EIF4G3: variants seen among roughly 807,000 people sequenced by gnomAD.
EIF4G3 encodes eukaryotic translation initiation factor 4 gamma 3, also known as eIF-4-gamma 3.
Under a neutral mutation model 186.4 loss-of-function variants are expected in EIF4G3, and 34 were observed. The observed-to-expected ratio is 0.18, with a 90% confidence interval of 0.14 to 0.24. The LOEUF (loss-of-function observed/expected upper bound fraction) is 0.24, where lower values mean the gene tolerates loss of function less well. Ranked by LOEUF, EIF4G3 falls within the 10% of genes least tolerant of loss-of-function variation. EIF4G3 has a pLI of 1.00. For missense variants in EIF4G3, 1,536 were observed against 1,948.5 expected (o/e 0.79, Z 3.99); for synonymous variants, 673 against 679.5 (o/e 0.99, Z 0.15).
chr1:20,960,342 T>C (rs1280939690), intron 12 of EIF4G3, among the ~76,000 whole-genome samples: 1 of 152,060 alleles, frequency 6.6e-6, no homozygotes, highest in African/African-American at 2.4e-5. Flanking sequence ...GGCAGGCACC[T>C]GTAATCCCAG....
In EIF4G3 at chr1:20,977,218, G is replaced by A. The variant is rs541143241; in HGVS notation, c.493+3116C>T. 1.6e-3 allele frequency among the ~76,000 whole-genome samples: 248 copies of A among 150,646 alleles called. 2 individuals are homozygous for A. Among genetic ancestry groups the A allele is most frequent in the Non-Finnish European group, 1.7e-3 (115 of 67,756 alleles). ...TTTTTTTTTTTTTAGATGGAGTCTC[G>A]CTCTGTCACCCAGGTTGGAGTGCAG... On this transcript the variant is annotated intron_variant, in intron 10 of 36. Coordinates refer to ENST00000602326, the MANE Select transcript of EIF4G3 (RefSeq NM_001391906.1).
At chr1:20,886,848 T>C (rs2084333812) in intron 18 of EIF4G3, among the ~76,000 whole-genome samples, 1 of 152,104 alleles carries the variant, frequency 6.6e-6, no homozygotes, top group African/African-American at 2.4e-5. Context: ...GGGTCAGAAA[T>C]ACTAAAATAA....
In EIF4G3 at chr1:21,154,112, T is replaced by C. The variant is rs551544457; in HGVS notation, c.-272+22063A>G. 1.1e-4 allele frequency among the ~76,000 whole-genome samples: 16 copies of C among 152,350 alleles called. No individual in the cohort carries two copies. In the South Asian group the frequency reaches 3.3e-3, roughly 32 times the overall value. ...TGCTTATCCACCAAAATCAGGGTTA[T>C]TAGTTTAATGGAATTTGCTCATTTC... is the stretch of plus-strand genomic sequence containing the variant. On this transcript the variant is annotated intron_variant, in intron 2 of 36. Transcript: ENST00000602326.
At chr1:20,814,093 C>T (rs968503366) in intron 34 of EIF4G3, among the ~76,000 whole-genome samples, 1 of 150,992 alleles carries the variant, frequency 6.6e-6, no homozygotes, top group African/African-American at 2.4e-5. Context: ...ACTACAGGAT[C>T]CCTGCCTCAG....
At chr1:21,058,983 T>C (rs2094733756) in intron 3 of EIF4G3, among the ~76,000 whole-genome samples, 1 of 151,946 alleles carries the variant, frequency 6.6e-6, no homozygotes, top group South Asian at 2.1e-4. Context: ...GTTTTTATTC[T>C]ATATATTTTA....
chr1:21,050,952 G>A lies in EIF4G3; in HGVS notation c.-153C>T, dbSNP rs1230075951. The A allele has an allele frequency of 1.4e-6, 1 of 717,130 alleles. No individual in the cohort carries two copies. The highest frequency in any genetic ancestry group is 1.5e-5 in the South Asian group (1 of 67,498). The allele number at this position is 717,130 out of a possible 1,614,324, so 44.4% of individuals were successfully genotyped here. A position where few individuals can be genotyped will look rare whatever the true frequency, so the allele number is the denominator to read the frequency against. On this transcript the variant is annotated 5_prime_UTR_variant, in exon 4 of 37. Coordinates refer to ENST00000602326, the MANE Select transcript of EIF4G3 (RefSeq NM_001391906.1). ...TTGTTTATTTCATGTGCTGAATAAG[G>A]GGATGGGGTAGGGGTTCCCGGCTGT...
intron 2 of EIF4G3, among the ~76,000 whole-genome samples, chr1:21,128,338 G>T (rs561767902): frequency 1.3e-5 from 2 of 151,252 alleles, no homozygotes; most frequent in Non-Finnish European, 2.9e-5. Context: ...GTGAAACCCC[G>T]TCTCTAAAAA....
chr1:20,983,639 T>C (rs2078784290), intron 7 of EIF4G3, among the ~76,000 whole-genome samples: 1 of 152,186 alleles, frequency 6.6e-6, no homozygotes, highest in Admixed American at 6.5e-5. Context: ...CTGTTCAACT[T>C]ACTGGGCATT....
intron 2 of EIF4G3, among the ~76,000 whole-genome samples, chr1:21,124,298 A>AAG (rs1293377209): frequency 6.6e-6 from 1 of 151,924 alleles, no homozygotes; most frequent in Non-Finnish European, 1.5e-5. Context: ...AGAAAAAAAA[A>AAG]AAATTCAAGG....
chr1:21,053,825 C>A (rs1401839150), intron 3 of EIF4G3, among the ~76,000 whole-genome samples: 1 of 144,440 alleles, frequency 6.9e-6, no homozygotes. Flanking sequence ...CCCGGCCAGC[C>A]GCCCCATCCG....
At chr1:20,836,999 A>G (rs377606679) in intron 30 of EIF4G3, among the ~76,000 whole-genome samples, 3 of 152,178 alleles carry the variant, frequency 2.0e-5, no homozygotes, top group African/African-American at 7.2e-5. Flanking sequence ...CTTTGCGGAG[A>G]TATGTTTCAC....
intron 18 of EIF4G3, chr1:20,892,758 A>G (rs2086534501): frequency 7.1e-7 from 1 of 1,408,814 alleles, no homozygotes; most frequent in Non-Finnish European, 9.6e-7. Context: ...AGACATGATC[A>G]TTAGCTGAAT....
intron 33 of EIF4G3, among the ~76,000 whole-genome samples, chr1:20,819,602 C>A (rs556471026): frequency 6.6e-6 from 1 of 152,110 alleles, no homozygotes; most frequent in South Asian, 2.1e-4. Flanking sequence ...CCAAATACTG[C>A]GTGTTCTCAC....
At chr1:21,073,310 C>T (rs1015207178) in intron 3 of EIF4G3, among the ~76,000 whole-genome samples, 5 of 152,080 alleles carry the variant, frequency 3.3e-5, no homozygotes, top group Admixed American at 1.3e-4. Context: ...CATTTTCAAA[C>T]GCCCTTGCAG....
chr1:20,926,783 C>T (rs996931069), intron 14 of EIF4G3, among the ~76,000 whole-genome samples: 1 of 150,678 alleles, frequency 6.6e-6, no homozygotes, highest in African/African-American at 2.4e-5. Context: ...AAACAAAAAC[C>T]CAACAAAAAC....
At position 21,019,513 on chromosome 1, in the gene EIF4G3, TTA is replaced by T. The variant is rs563302121; in HGVS notation, c.-66-16707_-66-16706del. Among the ~76,000 whole-genome samples the T allele has an allele frequency of 3.3e-5, 5 of 152,336 alleles. No homozygotes were observed. In the East Asian group the frequency reaches 7.7e-4, roughly 24 times the overall value. Reference sequence around the variant, plus strand: ...GTCTGCACAAAACATGATGCCTTTTTTATGTTTCAGTGAATGAAAAATAAAAA... The same window carrying T: ...GTCTGCACAAAACATGATGCCTTTTTTGTTTCAGTGAATGAAAAATAAAAA... On this transcript the variant is annotated intron_variant, in intron 4 of 36. Transcript: ENST00000602326.
Position 21,035,861 on chromosome 1 carries a change from T to G in EIF4G3, c.-67+15005A>C, listed in dbSNP as rs540603559. Among the ~76,000 whole-genome samples, 3 of 152,280 alleles carry G rather than the reference T, an allele frequency of 2.0e-5. No homozygotes were observed. In the South Asian group the frequency reaches 6.2e-4, roughly 32 times the overall value. On this transcript the variant is annotated intron_variant, in intron 4 of 36. Transcript: ENST00000602326. ...TCCCATGGACCAGAGTGGGGACTTG[T>G]GGTGCCTTTTCTGGGCTGCCCACGG...
chr1:21,013,471 G>A (rs757788589), intron 4 of EIF4G3, among the ~76,000 whole-genome samples: 1 of 152,116 alleles, frequency 6.6e-6, no homozygotes, highest in Non-Finnish European at 1.5e-5. Flanking sequence ...GGAAAAGAGT[G>A]GAACTTGTTT....
At chr1:20,814,439 G>C (rs1309110570) in intron 34 of EIF4G3, among the ~76,000 whole-genome samples, 1 of 151,996 alleles carries the variant, frequency 6.6e-6, no homozygotes, top group Admixed American at 6.6e-5. Context: ...TTATGTACTT[G>C]TACATTTGGA....
Sources: allele counts gnomAD v4.1 joint callset (sites outside exome capture counted in the v4.1 genomes callset), GRCh38; gene constraint gnomAD v4.1.1; transcripts MANE v1.5; gene names NCBI Gene and HGNC (gene_info 2026-07-23, HGNC 2026-07-21).